Variants in DGKZ observed in about 807,000 individuals in gnomAD.
DGKZ encodes the protein diacylglycerol kinase zeta.
DGKZ carries 45 observed loss-of-function variants against 142.5 expected under a neutral mutation model. The observed-to-expected ratio is 0.32, with a 90% CI of 0.25 to 0.40. The LOEUF is 0.40. Among genes scored for constraint, DGKZ ranks in the 10% least tolerant of loss-of-function variants. The pLI is 1.00. For synonymous variants in DGKZ, 442 were observed against 527.0 expected (o/e 0.84, Z 2.21); for missense variants, 755 against 1,306.5 (o/e 0.58, Z 6.51).
intron 1 of DGKZ, chr11:46,366,770 GTA>G (rs754065541): frequency 6.5e-7 from 1 of 1,549,212 alleles, no homozygotes; most frequent in East Asian, 2.4e-5. Flanking sequence ...CGCGGATGCC[GTA>G]TATGACCACG....
At chr11:46,335,429 AC>A (rs1939967887) in intron 1 of DGKZ, among the ~76,000 whole-genome samples, 1 of 119,458 alleles carries the variant, frequency 8.4e-6, no homozygotes, top group African/African-American at 6.2e-5. Context: ...ACGTGCACGC[AC>A]ACACACACAC....
Position 46,374,586 on chromosome 11 carries a change from G to T in DGKZ, c.1462-18G>T. On this transcript the variant is annotated intron_variant, in intron 16 of 30. Transcript: ENST00000527911. The stretch of plus-strand genomic sequence containing the variant: ...AAGATCTCTGTCAGCAGATGGTGAC[G>T]CCCTCTGTCTCCCACAGACAGCTTT... 1.9e-6 allele frequency: 3 copies of T among 1,590,194 alleles called. No individual in the cohort carries two copies. The highest frequency in any genetic ancestry group is 1.1e-5 in the South Asian group (1 of 87,554).
rs1944538197 is a variant in DGKZ at position 46,376,324 on chromosome 11, A to G, written c.2092-4A>G. On this transcript the variant is annotated splice_polypyrimidine_tract_variant and splice_region_variant and intron_variant, in intron 22 of 30. Transcript: ENST00000527911. ...CCCAGCCTGGCCTTTGCTTCTCTCA[A>G]CAGGAGCCCGATGGTGCTGGAGCCA... The G allele has an allele frequency of 6.2e-7, 1 of 1,613,770 alleles. No individual in the cohort carries two copies. Among genetic ancestry groups the G allele is most frequent in the Admixed American group, 1.7e-5 (1 of 59,998 alleles).
At chr11:46,369,634 G>GGGGCTC in intron 5 of DGKZ, 84 bp downstream of exon 5, 1 of 1,554,606 alleles carries the variant, frequency 6.4e-7, no homozygotes, top group Non-Finnish European at 8.9e-7. Flanking sequence ...GTGCCACCAG[G>GGGGCTC]GGGCTCGGCT....
intron 8 of DGKZ, 46 bp from the exon 9 acceptor site, chr11:46,371,658 C>A: frequency 6.2e-7 from 1 of 1,613,812 alleles, no homozygotes; most frequent in African/African-American, 1.3e-5. Flanking sequence ...CTGCCAGCTA[C>A]CCCAGCCTGC....
chr11:46,375,363 G>T, intron 19 of DGKZ, 69 bp from the exon 20 acceptor site: 1 of 1,476,176 alleles, frequency 6.8e-7, no homozygotes, highest in Non-Finnish European at 9.1e-7. Flanking sequence ...TGCTTCGGAA[G>T]GAGCAGAGTC....
chr11:46,366,743 T>G (rs767563854), intron 1 of DGKZ: 1 of 1,551,572 alleles, frequency 6.4e-7, no homozygotes. Context: ...GCGCCGAGCC[T>G]CCTCCCACCT....
At chr11:46,366,553 G>T (rs1293664033) in intron 1 of DGKZ, 3 of 1,601,986 alleles carry the variant, frequency 1.9e-6, no homozygotes, top group South Asian at 2.2e-5. Flanking sequence ...CTACCACCGT[G>T]GGGGCCCAGC....
chr11:46,336,043 T>C (rs1330197130), intron 1 of DGKZ, among the ~76,000 whole-genome samples: 1 of 152,220 alleles, frequency 6.6e-6, no homozygotes, highest in Non-Finnish European at 1.5e-5. Flanking sequence ...TTGAAAGCCC[T>C]TTCCAGAGCG....
At chr11:46,376,935 C>T (rs1007311763) in intron 24 of DGKZ, 138 bp from the exon 25 acceptor site, 53 of 746,626 alleles carry the variant, frequency 7.1e-5, no homozygotes, top group Non-Finnish European at 9.6e-5. Flanking sequence ...GGGAGAGGGA[C>T]AGGCAGGGCC....
chr11:46,378,192 T>C lies in DGKZ; in HGVS notation c.2343-6T>C, dbSNP rs1320260625. ...GCCGGTCACAGCACATCATGCTCTG[T>C]TGCAGGTCACTGCAAGGGGATGCTG... On this transcript the variant is annotated splice_polypyrimidine_tract_variant and splice_region_variant and intron_variant, in intron 25 of 30. Coordinates refer to ENST00000527911, the Ensembl canonical transcript of DGKZ. 3 of 1,609,206 alleles carry C rather than the reference T, an allele frequency of 1.9e-6. No homozygotes were observed. Among genetic ancestry groups the C allele is most frequent in the Non-Finnish European group, 2.5e-6 (3 of 1,178,574 alleles).
Position 46,369,563 on chromosome 11 carries a change from G to A in DGKZ, c.501+13G>A. 6.2e-7 allele frequency: 1 copy of A among 1,612,236 alleles called. No homozygotes were observed. Among genetic ancestry groups the A allele is most frequent in the Non-Finnish European group, 8.5e-7 (1 of 1,179,914 alleles). ...GAATGTCCGCGAGGTAAGTGCCCAG[G>A]GTGGTCAGGGATGGGGCCACCCTAA... On this transcript the variant is annotated intron_variant, in intron 5 of 30. Coordinates refer to ENST00000527911, the Ensembl canonical transcript of DGKZ.
chr11:46,333,954 G>A (rs1002938753), intron 1 of DGKZ, among the ~76,000 whole-genome samples: 1 of 152,184 alleles, frequency 6.6e-6, no homozygotes, highest in African/African-American at 2.4e-5. Flanking sequence ...GCTGCCCAGA[G>A]ATGGGGAACA....
chr11:46,359,012 G>T (rs1222888694), intron 1 of DGKZ, among the ~76,000 whole-genome samples: 1 of 151,018 alleles, frequency 6.6e-6, no homozygotes, highest in East Asian at 2.0e-4. Context: ...ATATGGTGGT[G>T]CACACCTGTA....
intron 19 of DGKZ, 146 bp downstream of exon 19, chr11:46,375,191 A>C (rs1302492548): frequency 1.2e-6 from 1 of 857,988 alleles, no homozygotes; most frequent in East Asian, 2.7e-5. Context: ...AGCGGCACCT[A>C]CCCCCTCTCC....
rs1051888682 is a variant in DGKZ at position 46,367,610 on chromosome 11, T to C, written c.271-42T>C. On this transcript the variant is annotated intron_variant, in intron 2 of 30. Transcript: ENST00000527911. This position sits in a 1 kb window ranked among gnomAD's most constrained non-coding sequence, Gnocchi z 4.1. ...GGCGGGGGCTGATGGGAGGGAGGGC[T>C]GGGCGGCCAGCGTGTGCTGAGCAAG... The C allele has an allele frequency of 1.5e-6, 2 of 1,337,330 alleles. No homozygotes were observed. Among genetic ancestry groups the C allele is most frequent in the Non-Finnish European group, 2.0e-6 (2 of 1,006,726 alleles). 82.8% of individuals were successfully genotyped at this position (1,337,330 alleles called of 1,614,324 possible). A position where few individuals can be genotyped will look rare whatever the true frequency, so the allele number is the denominator to read the frequency against.
chr11:46,366,927 G>T, intron 1 of DGKZ: 1 of 1,542,986 alleles, frequency 6.5e-7, no homozygotes, highest in East Asian at 2.4e-5. Context: ...TCCCGCAGGC[G>T]CCAGGTAGCC....
rs1944028189 is a variant in DGKZ, at chr11:46,372,273, A to G, written c.927+103A>G. 16 of 1,357,100 alleles carry G rather than the reference A, an allele frequency of 1.2e-5. No individual in the cohort carries two copies. The South Asian group carries it at 1.8e-4, about 15-fold the overall frequency. 84.1% of individuals were successfully genotyped at this position (1,357,100 alleles called of 1,614,324 possible). A position where few individuals can be genotyped will look rare whatever the true frequency, so the allele number is the denominator to read the frequency against. On this transcript the variant is annotated intron_variant, in intron 10 of 30. Transcript: ENST00000527911. This position sits in a 1 kb window ranked among gnomAD's most constrained non-coding sequence, Gnocchi z 5.9. ...GAGCCCGTTTCTGGCTTCTACCCCA[A>G]TCCCTCTTTCCCAGGGATCCTGAGA...
intron 1 of DGKZ, chr11:46,365,275 T>C (rs551710352): frequency 2.0e-6 from 2 of 985,352 alleles, no homozygotes. Flanking sequence ...CGCAGAAGAA[T>C]GTGCAGTCAC....
Sources: allele counts gnomAD v4.1 joint callset (sites outside exome capture counted in the v4.1 genomes callset), GRCh38; gene constraint gnomAD v4.1.1; non-coding constraint Gnocchi (gnomAD v3.1); transcripts MANE v1.5; gene names NCBI Gene and HGNC (gene_info 2026-07-23, HGNC 2026-07-21).